BACH2: variants seen among roughly 807,000 people sequenced by gnomAD.
The protein encoded by BACH2 is transcription regulator protein BACH2.
In BACH2, 5 loss-of-function variants were observed where a neutral mutation model predicts 61.8. The ratio of observed to expected loss-of-function variants is 0.08; its 90% CI spans 0.04 to 0.17. BACH2 has a LOEUF of 0.17. Among genes scored for constraint, BACH2 ranks in the 10% least tolerant of loss-of-function variants. The pLI is 1.00. For missense variants in BACH2, 824 were observed against 1,091.1 expected (o/e 0.76, Z 3.45); for synonymous variants, 446 against 440.1 (o/e 1.01, Z -0.17).
chr6:90,249,916 C>T (rs144841173), intron 3 of BACH2, among the ~76,000 whole-genome samples: 3 of 152,238 alleles, frequency 2.0e-5, no homozygotes, highest in East Asian at 3.9e-4. Flanking sequence ...ACAAGACTGC[C>T]GTTTATTTAA....
chr6:90,089,469 A>G (rs1021743881), intron 4 of BACH2, among the ~76,000 whole-genome samples: 2 of 152,006 alleles, frequency 1.3e-5, no homozygotes, highest in African/African-American at 4.8e-5. Context: ...AAATCAGAAC[A>G]CCTTGGTTTA....
At chr6:90,188,509 A>G (rs1768438217) in intron 4 of BACH2, among the ~76,000 whole-genome samples, 1 of 152,134 alleles carries the variant, frequency 6.6e-6, no homozygotes, top group Non-Finnish European at 1.5e-5. Context: ...ATATAAAAAC[A>G]AAAATAAAAC....
intron 7 of BACH2, among the ~76,000 whole-genome samples, chr6:89,943,243 C>T (rs1033752541): frequency 1.3e-5 from 2 of 152,092 alleles, no homozygotes; most frequent in Non-Finnish European, 2.9e-5. Context: ...TCTGCACCAA[C>T]GAGGCAGAGG....
chr6:89,950,571 G>T lies in BACH2; in HGVS notation c.1535C>A (p.Pro512His). 1 of 1,611,478 alleles carries T rather than the reference G, an allele frequency of 6.2e-7. No individual in the cohort carries two copies. The highest frequency in any genetic ancestry group is 8.5e-7 in the Non-Finnish European group (1 of 1,178,194). The stretch of plus-strand genomic sequence containing the variant: ...GGAAGTCCTGGTCCTGGTCTCCAAG[G>T]GGGGTGAGCGAGGGCAGACTTTGAT... ...VPIKVCPRSP[P>H]LETRTRTSSS... Residue 512 changes from proline to histidine, a missense_variant, in exon 7 of 9, where the codon CCC becomes CAC. Coordinates refer to ENST00000257749, the MANE Select transcript of BACH2 (RefSeq NM_021813.4). This position sits in a 1 kb window ranked among gnomAD's most constrained non-coding sequence, Gnocchi z 5.3.
chr6:90,247,952 T>A (rs565461744), intron 3 of BACH2, among the ~76,000 whole-genome samples: 4 of 152,342 alleles, frequency 2.6e-5, no homozygotes, highest in African/African-American at 9.6e-5. Context: ...AATTTTACTC[T>A]CTTATATGTT....
chr6:90,103,029 A>ATATATATATATATATATATTTTTTT, intron 4 of BACH2, among the ~76,000 whole-genome samples: 1 of 21,164 alleles, frequency 4.7e-5, no homozygotes, highest in African/African-American at 2.4e-4. Context: ...ATATATATAT[A>ATATATATATATATATATATTTTTTT]TTTTTTTTTT....
chr6:90,250,251 A>G (rs886835472), intron 3 of BACH2, among the ~76,000 whole-genome samples: 9 of 152,088 alleles, frequency 5.9e-5, no homozygotes, highest in Middle Eastern at 3.2e-3. Flanking sequence ...ATCATCTAAC[A>G]TATCCTCTTT....
intron 6 of BACH2, among the ~76,000 whole-genome samples, chr6:89,990,294 G>T (rs920947834): frequency 6.6e-6 from 1 of 152,156 alleles, no homozygotes; most frequent in African/African-American, 2.4e-5. Flanking sequence ...ATTTGTAAAT[G>T]AAAAAATTCT....
chr6:89,955,904 C>T (rs553981235), intron 6 of BACH2, among the ~76,000 whole-genome samples: 72 of 152,126 alleles, frequency 4.7e-4, no homozygotes, highest in African/African-American at 1.5e-3. Flanking sequence ...GAGAATTACA[C>T]GCAAAACTAA....
chr6:89,969,535 G>A (rs986948481), intron 6 of BACH2, among the ~76,000 whole-genome samples: 1 of 152,164 alleles, frequency 6.6e-6, no homozygotes, highest in African/African-American at 2.4e-5. Flanking sequence ...GGGAGCAGGT[G>A]GGGGACAGAG....
chr6:90,050,485 G>C (rs2127794389), intron 5 of BACH2, among the ~76,000 whole-genome samples: 1 of 152,128 alleles, frequency 6.6e-6, no homozygotes, highest in East Asian at 1.9e-4. Context: ...AAACAAAAAT[G>C]ACATATCACA....
At chr6:90,088,472 C>A (rs1035444049) in intron 5 of BACH2, among the ~76,000 whole-genome samples, 1 of 152,046 alleles carries the variant, frequency 6.6e-6, no homozygotes, top group African/African-American at 2.4e-5. Context: ...GCTAAGTGAA[C>A]CTTAAAACTC....
At chr6:90,254,133 A>C (rs1388123992) in intron 2 of BACH2, among the ~76,000 whole-genome samples, 1 of 151,984 alleles carries the variant, frequency 6.6e-6, no homozygotes, top group Non-Finnish European at 1.5e-5. Flanking sequence ...AATAAACCCC[A>C]AAAGATAAGA....
In BACH2 at chr6:90,101,157, C is replaced by T. The variant is rs1452980839; in HGVS notation, c.-161-12048G>A. 2.6e-5 allele frequency among the ~76,000 whole-genome samples: 4 copies of T among 152,308 alleles called. No individual in the cohort carries two copies. The East Asian group carries it at 7.7e-4, about 29-fold the overall frequency. On this transcript the variant is annotated intron_variant, in intron 4 of 8. Coordinates refer to ENST00000257749, the MANE Select transcript of BACH2 (RefSeq NM_021813.4). The stretch of plus-strand genomic sequence containing the variant: ...CTGGATACACATCCTTTGTCAGATA[C>T]ATGATTTGTAAGTATTTTCTCCCAT...
intron 1 of BACH2, among the ~76,000 whole-genome samples, chr6:90,287,356 G>A (rs897707515): frequency 6.6e-6 from 1 of 152,078 alleles, no homozygotes; most frequent in Non-Finnish European, 1.5e-5. Flanking sequence ...GGGGTGGGGA[G>A]GTAAGTGAAG....
chr6:90,286,132 C>A (rs1772009601), intron 1 of BACH2, among the ~76,000 whole-genome samples: 1 of 152,184 alleles, frequency 6.6e-6, no homozygotes, highest in South Asian at 2.1e-4. Context: ...TTAATTTTAA[C>A]TAGATTTAAC....
At chr6:90,245,153 C>T (rs1185059084) in intron 3 of BACH2, among the ~76,000 whole-genome samples, 2 of 151,494 alleles carry the variant, frequency 1.3e-5, no homozygotes, top group Non-Finnish European at 2.9e-5. Context: ...CAGCTGAGAT[C>T]ATGCCACTGC....
At chr6:90,065,607 C>T (rs571682978) in intron 5 of BACH2, among the ~76,000 whole-genome samples, 35 of 152,192 alleles carry the variant, frequency 2.3e-4, no homozygotes, top group Non-Finnish European at 3.2e-4. Flanking sequence ...GGCTATGGTT[C>T]GCCTACCTCT....
intron 6 of BACH2, among the ~76,000 whole-genome samples, chr6:89,995,862 G>A (rs1776817880): frequency 6.6e-6 from 1 of 152,216 alleles, no homozygotes; most frequent in Non-Finnish European, 1.5e-5. Context: ...AATTTAGGGA[G>A]CAACTCTATA....
Sources: allele counts gnomAD v4.1 joint callset (sites outside exome capture counted in the v4.1 genomes callset), GRCh38; gene constraint gnomAD v4.1.1; non-coding constraint Gnocchi (gnomAD v3.1); transcripts MANE v1.5; gene names NCBI Gene and HGNC (gene_info 2026-07-23, HGNC 2026-07-21).